ATG16L1: variants seen among roughly 807,000 people sequenced by gnomAD.
ATG16L1 encodes autophagy related 16 like 1.
Under a neutral mutation model 88.5 loss-of-function variants are expected in ATG16L1, and 37 were observed. That is an observed-to-expected ratio of 0.42 (90% confidence interval 0.32 to 0.55). The LOEUF (loss-of-function observed/expected upper bound fraction) is 0.55, where lower values mean the gene tolerates loss of function less well. Ranked by LOEUF, ATG16L1 falls within the 20% of genes least tolerant of loss-of-function variation. The pLI is 0.13. For missense variants in ATG16L1, 554 were observed against 752.8 expected, an observed-to-expected ratio of 0.74 and a Z score of 3.09; for synonymous variants, 301 against 281.0, an observed-to-expected ratio of 1.07 and a Z score of -0.71.
chr2:233,273,410 G>T, intron 7 of ATG16L1: 1 of 508,770 alleles, frequency 2.0e-6, no homozygotes, highest in South Asian at 2.9e-5. Flanking sequence ...GTGGGGATTG[G>T]TTACTAACAG....
At chr2:233,292,537 C>G in intron 16 of ATG16L1, 103 bp downstream of exon 16, 1 of 1,407,914 alleles carries the variant, frequency 7.1e-7, no homozygotes, top group Non-Finnish European at 9.9e-7. Flanking sequence ...CAGTGCCCAA[C>G]CTATGTTTCC....
Position 233,274,770 on chromosome 2 carries a change from T to G in ATG16L1, c.946T>G (p.Cys316Gly). ...AGTGAGGGTACCAGCTACTGCCTTG[T>G]GTGTCTTCGTAAGTATGCTTCAGCC... ...KEVRVPATAL[C>G]VFDAHDGEVN... The change falls in exon 9 of 18, where the codon TGT (cysteine) becomes GGT (glycine). Residue 316 changes from cysteine (C) to glycine (G), a missense_variant. Cys to Gly is a radical substitution (Grantham distance 159). This residue lies in a region of ATG16L1 where 370 missense variants were observed against 509.7 expected (regional missense o/e 0.73). Transcript: ENST00000392017. The G allele has an allele frequency of 6.2e-7, 1 of 1,610,268 alleles. No individual in the cohort carries two copies. The highest frequency in any genetic ancestry group is 1.1e-5 in the South Asian group (1 of 90,982).
intron 12 of ATG16L1, chr2:233,289,090 A>G: frequency 2.9e-6 from 1 of 339,674 alleles, no homozygotes; most frequent in South Asian, 2.3e-5. Flanking sequence ...GAGGCTTTAA[A>G]AATTCTTTAA....
At chr2:233,290,227 T>C (rs1394699726) in intron 13 of ATG16L1, 21 bp from the exon 14 acceptor site, 2 of 1,611,404 alleles carry the variant, frequency 1.2e-6, no homozygotes, top group Admixed American at 1.7e-5. Flanking sequence ...GCTTGATTAA[T>C]GATGTTTGCA....
chr2:233,267,435 A>G (rs1421508959), intron 5 of ATG16L1, among the ~76,000 whole-genome samples: 2 of 148,912 alleles, frequency 1.3e-5, no homozygotes, highest in South Asian at 2.2e-4. Context: ...GTTTTCATAC[A>G]GATGATCCCA....
chr2:233,273,445 C>T (rs1024811182), intron 7 of ATG16L1: 4 of 519,102 alleles, frequency 7.7e-6, no homozygotes, highest in Non-Finnish European at 1.0e-5. Context: ...GTTAGTTAGC[C>T]AGGAATTGTG....
At chr2:233,290,403 A>G (rs1699382702) in intron 14 of ATG16L1, 50 bp downstream of exon 14, 2 of 1,411,230 alleles carry the variant, frequency 1.4e-6, no homozygotes, top group Non-Finnish European at 2.0e-6. Context: ...CTCCACAGTA[A>G]TGGTTCTGTA....
intron 12 of ATG16L1, among the ~76,000 whole-genome samples, chr2:233,288,061 A>ACCGCAGCACAGCCG (rs1699202850): frequency 6.6e-6 from 1 of 152,056 alleles, no homozygotes; most frequent in Non-Finnish European, 1.5e-5. Context: ...TTTTCACACA[A>ACCGCAGCACAGCCG]CCGCAGCACA....
chr2:233,265,805 A>T (rs1035977822), intron 5 of ATG16L1: 2 of 152,296 alleles, frequency 1.3e-5, no homozygotes, highest in Non-Finnish European at 2.9e-5. Context: ...CAATCCTGCT[A>T]AGTCTATTTA....
intron 14 of ATG16L1, among the ~76,000 whole-genome samples, chr2:233,291,791 A>G (rs192788334): frequency 3.3e-4 from 50 of 152,332 alleles, no homozygotes; most frequent in Admixed American, 2.8e-3. Context: ...ACTTTATCCA[A>G]AAGTTGAAAT....
chr2:233,277,218 G>T, intron 9 of ATG16L1: 1 of 181,734 alleles, frequency 5.5e-6, no homozygotes, highest in Non-Finnish European at 1.2e-5. Context: ...TATTAACTCA[G>T]TCTGGACCAA....
chr2:233,281,077 A>C (rs1698689388), intron 10 of ATG16L1, 28 bp from the exon 11 acceptor site: 1 of 1,491,834 alleles, frequency 6.7e-7, no homozygotes, highest in African/African-American at 1.4e-5. Context: ...TTAACTTCCC[A>C]TCATCCTAAT....
chr2:233,254,267 G>A (rs1419306023), intron 1 of ATG16L1, among the ~76,000 whole-genome samples: 1 of 152,188 alleles, frequency 6.6e-6, no homozygotes, highest in Non-Finnish European at 1.5e-5. Flanking sequence ...CCTGCCTGAG[G>A]GACCAGGACA....
At chr2:233,261,138 G>C (rs1227434262) in intron 2 of ATG16L1, among the ~76,000 whole-genome samples, 1 of 152,080 alleles carries the variant, frequency 6.6e-6, no homozygotes, top group African/African-American at 2.4e-5. Context: ...TGTATTTTTA[G>C]TAGAGACGGG....
intron 12 of ATG16L1, among the ~76,000 whole-genome samples, chr2:233,285,177 A>G (rs1574894465): frequency 6.6e-6 from 1 of 152,216 alleles, no homozygotes; most frequent in African/African-American, 2.4e-5. Flanking sequence ...ATCCTGTGGT[A>G]TACTGTGATT....
chr2:233,279,465 G>T (rs1698581534), intron 10 of ATG16L1, among the ~76,000 whole-genome samples: 1 of 152,200 alleles, frequency 6.6e-6, no homozygotes, highest in Admixed American at 6.5e-5. Flanking sequence ...TACAGAAATA[G>T]CAGAATGTGT....
intron 7 of ATG16L1, 59 bp from the exon 8 acceptor site, chr2:233,273,662 G>C: frequency 6.5e-7 from 1 of 1,527,644 alleles, no homozygotes; most frequent in Non-Finnish European, 9.0e-7. Context: ...GCTGTTTATT[G>C]ATTGATTATT....
chr2:233,269,520 C>T (rs1697837303), intron 5 of ATG16L1, among the ~76,000 whole-genome samples: 1 of 152,204 alleles, frequency 6.6e-6, no homozygotes, highest in Non-Finnish European at 1.5e-5. Flanking sequence ...CATATTTAGA[C>T]CTGGATCCTG....
In ATG16L1 at chr2:233,263,159, A is replaced by G. The variant is rs765666391; in HGVS notation, c.239A>G (p.Asn80Ser). 57 of 1,614,002 alleles carry G rather than the reference A, an allele frequency of 3.5e-5. No homozygotes were observed. The highest frequency in any genetic ancestry group is 1.0e-4 in the Admixed American group (6 of 59,994). Residue 80 changes from asparagine (N) to serine (S), a missense_variant, in exon 3 of 18, where the codon AAT becomes AGT. Asn to Ser is a conservative substitution (Grantham distance 46). Coordinates refer to ENST00000392017, the MANE Select transcript of ATG16L1 (RefSeq NM_030803.7). ...GGACATGATGGCACATGGAATGACA[A>G]TCAGCTACAAGAAATGGCCCAACTG... is the stretch of plus-strand genomic sequence containing the variant. ...SPGHDGTWND[N>S]QLQEMAQLRI...
Sources: gnomAD v4.1 joint callset for allele counts (sites outside exome capture counted in the v4.1 genomes callset) on GRCh38, gnomAD v4.1.1 for gene constraint, gnomAD v4.1.1 regional missense constraint, MANE v1.5 for transcripts, NCBI Gene and HGNC (gene_info 2026-07-23, HGNC 2026-07-21) for gene names.